The following IFT172 variants were observed in gnomAD, a reference collection of about 807,000 sequenced individuals.
IFT172 encodes the protein intraflagellar transport protein 172 homolog.
A neutral mutation model predicts 248.9 loss-of-function variants in IFT172; 164 were observed. The observed-to-expected ratio is 0.66, with a 90% CI of 0.58 to 0.75. The LOEUF (loss-of-function observed/expected upper bound fraction) is 0.75. Ranked by LOEUF, IFT172 falls within the 30% of genes least tolerant of loss-of-function variation. The probability of loss-of-function intolerance (pLI) is 0.00; values close to 1 mark genes in which losing one functional copy is unlikely to be tolerated. For missense variants in IFT172, 1,950 were observed against 2,192.4 expected (o/e 0.89, Z 2.21); for synonymous variants, 729 against 791.6 (o/e 0.92, Z 1.33).
chr2:27,470,911 C>G lies in IFT172; in HGVS notation c.1692+17G>C. On this transcript the variant is annotated intron_variant, in intron 16 of 47. Transcript: ENST00000260570. ...CAGCTCAATACCACATCTGAGGGCC[C>G]CTAGTGTCCAACATACCCTAATAGT... The G allele has an allele frequency of 6.4e-7, 1 of 1,568,512 alleles. No homozygotes were observed. Among genetic ancestry groups the G allele is most frequent in the South Asian group, 1.2e-5 (1 of 83,584 alleles).
intron 18 of IFT172, chr2:27,465,070 C>T (rs567068908): frequency 5.2e-5 from 12 of 230,266 alleles, no homozygotes; most frequent in Admixed American, 3.6e-4. Flanking sequence ...TACAGGCGCC[C>T]GCCACTACGC....
At chr2:27,470,903 T>G (rs1232913357) in intron 16 of IFT172, 25 bp downstream of exon 16, 1 of 1,555,046 alleles carries the variant, frequency 6.4e-7, no homozygotes, top group Admixed American at 2.1e-5. Context: ...ATACCACATC[T>G]GAGGGCCCCT....
chr2:27,453,323 G>C, intron 35 of IFT172, 61 bp downstream of exon 35: 4 of 1,600,842 alleles, frequency 2.5e-6, no homozygotes, highest in Non-Finnish European at 3.4e-6. Context: ...GTGAGAAGCA[G>C]AGCCAAGTGT....
At chr2:27,474,247 T>A (rs1303734556) in intron 14 of IFT172, among the ~76,000 whole-genome samples, 2 of 152,232 alleles carry the variant, frequency 1.3e-5, no homozygotes, top group Non-Finnish European at 2.9e-5. Flanking sequence ...GATACCTACA[T>A]TTCTGAGTGC....
chr2:27,462,085 G>A (rs1222445278), intron 20 of IFT172, among the ~76,000 whole-genome samples: 1 of 152,174 alleles, frequency 6.6e-6, no homozygotes, highest in Non-Finnish European at 1.5e-5. Context: ...AGGCTGAAGT[G>A]CAGTTGTGTG....
Position 27,454,110 on chromosome 2 carries a change from CGTGAGCCTCA to C in IFT172, c.3573_3582del (p.Glu1192ThrfsTer122). 3.1e-6 allele frequency: 5 copies of C among 1,613,960 alleles called. No homozygotes were observed. Among genetic ancestry groups the C allele is most frequent in the Non-Finnish European group, 3.4e-6 (4 of 1,179,972 alleles). On this transcript the variant is annotated frameshift_variant, in exon 33 of 48. Coordinates refer to ENST00000260570, the MANE Select transcript of IFT172 (RefSeq NM_015662.3). LOFTEE classifies it high-confidence loss of function. This position sits in a 1 kb window ranked among gnomAD's most constrained non-coding sequence, Gnocchi z 4.2. The stretch of plus-strand genomic sequence containing the variant: ...AGCACCTCGGCGACACTGTCAGGGT[CGTGAGCCTCA>C]GCCACACGCTGAGCTGCCTCCCAAT...
At chr2:27,484,549 C>T (rs986361100) in intron 3 of IFT172, among the ~76,000 whole-genome samples, 1 of 152,054 alleles carries the variant, frequency 6.6e-6, no homozygotes, top group Admixed American at 6.5e-5. Flanking sequence ...CACAATCGCG[C>T]CACTGCACTC....
intron 16 of IFT172, among the ~76,000 whole-genome samples, chr2:27,469,664 T>C (rs1480672308): frequency 6.6e-6 from 1 of 152,100 alleles, no homozygotes; most frequent in African/African-American, 2.4e-5. Flanking sequence ...AAACCTCATC[T>C]CTACTAAAAA....
intron 40 of IFT172, 73 bp downstream of exon 40, chr2:27,448,842 T>G: frequency 1.3e-6 from 1 of 799,954 alleles, no homozygotes; most frequent in Non-Finnish European, 2.3e-6. Context: ...AGATAGTTCC[T>G]GAGAAGATAG....
At position 27,481,269 on chromosome 2, in the gene IFT172, G is replaced by A. The variant is rs1426088232; in HGVS notation, c.571-9C>T. On this transcript the variant is annotated splice_polypyrimidine_tract_variant and intron_variant, in intron 7 of 47. Coordinates refer to ENST00000260570, the MANE Select transcript of IFT172 (RefSeq NM_015662.3). ...TGGTTAACCAACTTCCCCTAAGACA[G>A]AAGTAGAGGGTTTCAATCACTCTTC... 1 of 1,606,116 alleles carries A rather than the reference G, an allele frequency of 6.2e-7. No individual in the cohort carries two copies. The highest frequency in any genetic ancestry group is 1.1e-5 in the South Asian group (1 of 90,350).
intron 1 of IFT172, among the ~76,000 whole-genome samples, chr2:27,488,400 C>T (rs887088207): frequency 1.3e-5 from 2 of 151,832 alleles, no homozygotes; most frequent in Non-Finnish European, 2.9e-5. Context: ...GTGATCCGCC[C>T]GCCTCGGCCT....
chr2:27,483,723 A>G, intron 5 of IFT172, 64 bp from the exon 6 acceptor site: 2 of 1,564,418 alleles, frequency 1.3e-6, no homozygotes, highest in Non-Finnish European at 8.8e-7. Context: ...GGCCCTAAGA[A>G]AAAAAGGAAA....
At chr2:27,485,811 A>G (rs1231392711) in intron 1 of IFT172, among the ~76,000 whole-genome samples, 1 of 152,218 alleles carries the variant, frequency 6.6e-6, no homozygotes, top group African/African-American at 2.4e-5. Flanking sequence ...AAATTCAATT[A>G]GTCTGGTAAG....
At chr2:27,455,123 T>TTGCTCTTTTGGCTATA (rs1349960829) in intron 30 of IFT172, 1 of 263,968 alleles carries the variant, frequency 3.8e-6, no homozygotes, top group Admixed American at 5.0e-5. Context: ...TGAGAACACT[T>TTGCTCTTTTGGCTATA]TGCTCTTTTG....
chr2:27,460,137 T>C (rs1006318766), intron 23 of IFT172, among the ~76,000 whole-genome samples: 16 of 151,190 alleles, frequency 1.1e-4, no homozygotes, highest in African/African-American at 2.7e-4. Context: ...CTGAAACATG[T>C]GCTGTGTCCA....
At chr2:27,451,400 C>A (rs950225866) in intron 35 of IFT172, among the ~76,000 whole-genome samples, 1 of 152,118 alleles carries the variant, frequency 6.6e-6, no homozygotes, top group Non-Finnish European at 1.5e-5. Context: ...TCTGCTAGAA[C>A]CTCAAAACCA....
intron 17 of IFT172, 112 bp from the exon 18 acceptor site, chr2:27,465,630 C>G (rs1667031237): frequency 1.3e-6 from 2 of 1,540,230 alleles, no homozygotes; most frequent in East Asian, 2.2e-5. Flanking sequence ...GTCTCATCTC[C>G]TCCCAGGATC....
intron 35 of IFT172, among the ~76,000 whole-genome samples, chr2:27,452,356 C>G (rs2148483872): frequency 6.6e-6 from 1 of 152,320 alleles, no homozygotes; most frequent in South Asian, 2.1e-4. Context: ...ACCATCAGTT[C>G]TCCTGGGTTT....
At chr2:27,484,114 T>G in intron 4 of IFT172, 113 bp downstream of exon 4, 4 of 1,463,140 alleles carry the variant, frequency 2.7e-6, no homozygotes, top group Non-Finnish European at 3.8e-6. Context: ...ATCCTTGCAG[T>G]AGGAAAAGTC....
Sources: gnomAD v4.1 joint callset for allele counts (sites outside exome capture counted in the v4.1 genomes callset) on GRCh38, gnomAD v4.1.1 for gene constraint, Gnocchi (gnomAD v3.1) non-coding constraint, MANE v1.5 for transcripts, NCBI Gene and HGNC (gene_info 2026-07-23, HGNC 2026-07-21) for gene names.